Variants in RTN4RL1 observed in about 807,000 individuals in gnomAD.
RTN4RL1 encodes reticulon 4 receptor like 1.
In RTN4RL1, 7 loss-of-function variants were observed where a neutral mutation model predicts 25.6. The ratio of observed to expected loss-of-function variants is 0.27; its 90% CI spans 0.16 to 0.51. The LOEUF (loss-of-function observed/expected upper bound fraction) is 0.51, where lower values mean the gene tolerates loss of function less well. RTN4RL1 is among the 20% of genes least tolerant of loss of function. RTN4RL1 has a pLI of 0.97. For synonymous variants in RTN4RL1, 297 were observed against 288.2 expected, an observed-to-expected ratio of 1.03 and a Z score of -0.31; for missense variants, 500 against 615.6, an observed-to-expected ratio of 0.81 and a Z score of 1.99.
At chr17:1,973,618 C>A (rs901093978) in intron 1 of RTN4RL1, among the ~76,000 whole-genome samples, 3 of 152,174 alleles carry the variant, frequency 2.0e-5, no homozygotes, top group Non-Finnish European at 4.4e-5. Flanking sequence ...CAGAGACTCC[C>A]ATTGGTCCAA....
rs577115046 is a variant in RTN4RL1 at position 1,970,359 on chromosome 17, C to T, written c.14-32551G>A. 2.1e-4 allele frequency among the ~76,000 whole-genome samples: 32 copies of T among 152,278 alleles called. No homozygotes were observed. The South Asian group carries it at 6.0e-3, about 29-fold the overall frequency. ...TTAATGTGGTCTCTGTGCACGATCT[C>T]TCCAGCAAGGTAGCTGGATTTTTTA... On this transcript the variant is annotated intron_variant, in intron 1 of 1. Coordinates refer to ENST00000331238, the MANE Select transcript of RTN4RL1 (RefSeq NM_178568.4).
chr17:1,974,244 C>T (rs2066833044), intron 1 of RTN4RL1, among the ~76,000 whole-genome samples: 1 of 152,056 alleles, frequency 6.6e-6, no homozygotes, highest in African/African-American at 2.4e-5. Flanking sequence ...TCTGCAGTCC[C>T]AGATGAGATC....
chr17:1,971,125 C>G (rs758649871), intron 1 of RTN4RL1, among the ~76,000 whole-genome samples: 4 of 152,170 alleles, frequency 2.6e-5, no homozygotes, highest in Non-Finnish European at 5.9e-5. Flanking sequence ...TTATTGTAAT[C>G]TCCATGTGTC....
At chr17:2,014,380 A>T (rs532143035) in intron 1 of RTN4RL1, among the ~76,000 whole-genome samples, 41 of 152,336 alleles carry the variant, frequency 2.7e-4, no homozygotes, top group African/African-American at 9.9e-4. Flanking sequence ...AGAGCCCCAC[A>T]GAGCTCTCAG....
intron 1 of RTN4RL1, among the ~76,000 whole-genome samples, chr17:2,011,918 C>T (rs1169689104): frequency 1.3e-5 from 2 of 152,194 alleles, no homozygotes; most frequent in East Asian, 3.9e-4. Context: ...CTCGGCCCCT[C>T]CTCGCTTGGG....
At chr17:1,989,793 C>T (rs1276151080) in intron 1 of RTN4RL1, among the ~76,000 whole-genome samples, 2 of 151,834 alleles carry the variant, frequency 1.3e-5, no homozygotes, top group Non-Finnish European at 1.5e-5. Flanking sequence ...AGGCTGGTCT[C>T]GAACTCCTGA....
intron 1 of RTN4RL1, among the ~76,000 whole-genome samples, chr17:1,938,787 A>T (rs1463025584): frequency 6.7e-6 from 1 of 150,038 alleles, no homozygotes; most frequent in Non-Finnish European, 1.5e-5. Context: ...GCGGTGGCTC[A>T]CGCCTGTAAT....
intron 1 of RTN4RL1, among the ~76,000 whole-genome samples, chr17:1,951,658 G>T (rs1336272794): frequency 6.6e-6 from 1 of 152,074 alleles, no homozygotes; most frequent in African/African-American, 2.4e-5. Flanking sequence ...ACCACATGTT[G>T]GTCAGGCTGG....
chr17:1,941,027 C>T (rs746818935), intron 1 of RTN4RL1, among the ~76,000 whole-genome samples: 3 of 152,186 alleles, frequency 2.0e-5, no homozygotes, highest in East Asian at 3.9e-4. Flanking sequence ...TAATCCCACT[C>T]GACATTTGCA....
chr17:2,011,047 T>C (rs1168489949), intron 1 of RTN4RL1, among the ~76,000 whole-genome samples: 1 of 151,680 alleles, frequency 6.6e-6, no homozygotes, highest in Non-Finnish European at 1.5e-5. Context: ...AGGTCTGGAG[T>C]TTGAGACCAG....
intron 1 of RTN4RL1, among the ~76,000 whole-genome samples, chr17:1,951,459 T>C (rs1915677502): frequency 6.6e-6 from 1 of 150,954 alleles, no homozygotes. Context: ...TTTTTGTTTG[T>C]TTGTTTTTTT....
chr17:1,977,505 G>C (rs1216664981), intron 1 of RTN4RL1, among the ~76,000 whole-genome samples: 1 of 152,170 alleles, frequency 6.6e-6, no homozygotes, highest in Non-Finnish European at 1.5e-5. Context: ...GCGGGGTCGA[G>C]AGCCGCCCAG....
Position 1,935,743 on chromosome 17 carries a change from A to AG in RTN4RL1, c.*752_*753insC. On this transcript the variant is annotated 3_prime_UTR_variant, in exon 2 of 2. Coordinates refer to ENST00000331238, the MANE Select transcript of RTN4RL1 (RefSeq NM_178568.4). ...TATATATATATATATATATATATATATATATATATATGTAGAGTGTGAATA... is the reference window on the plus strand; with the variant it reads ...TATATATATATATATATATATATATAGTATATATATATGTAGAGTGTGAATA... 3.9e-6 allele frequency: 1 copy of AG among 258,878 alleles called. No individual in the cohort carries two copies. Among genetic ancestry groups the AG allele is most frequent in the Non-Finnish European group, 5.8e-6 (1 of 173,358 alleles). The allele number at this position is 258,878 out of a possible 1,614,324, so 16.0% of individuals were successfully genotyped here. A position where few individuals can be genotyped will look rare whatever the true frequency, so the allele number is the denominator to read the frequency against.
intron 1 of RTN4RL1, among the ~76,000 whole-genome samples, chr17:1,971,737 T>C (rs9907154): frequency 0.91 from 137,947 of 151,576 alleles, 62,966 homozygotes; most frequent in Middle Eastern, 0.96. Flanking sequence ...CAGAGGCGGG[T>C]GGATCACGAG....
chr17:2,022,333 G>A (rs1159263468), intron 1 of RTN4RL1, among the ~76,000 whole-genome samples: 1 of 151,740 alleles, frequency 6.6e-6, no homozygotes, highest in East Asian at 2.0e-4. Flanking sequence ...ATTTTTTTTT[G>A]TAGAGACGAA....
intron 1 of RTN4RL1, among the ~76,000 whole-genome samples, chr17:2,011,462 A>G (rs2067048886): frequency 6.6e-6 from 1 of 152,042 alleles, no homozygotes; most frequent in Non-Finnish European, 1.5e-5. Context: ...AATTGGAGGC[A>G]CCTAGCTGTG....
At chr17:1,941,592 C>CG (rs889591262) in intron 1 of RTN4RL1, among the ~76,000 whole-genome samples, 23 of 152,242 alleles carry the variant, frequency 1.5e-4, no homozygotes, top group Non-Finnish European at 2.4e-4. Flanking sequence ...GAGGGCCCCT[C>CG]GGGGGCCAGG....
intron 1 of RTN4RL1, among the ~76,000 whole-genome samples, chr17:1,984,035 G>C (rs1372654355): frequency 6.6e-6 from 1 of 152,228 alleles, no homozygotes; most frequent in Non-Finnish European, 1.5e-5. Flanking sequence ...CATGTCTCAA[G>C]GCCAGCTGTA....
chr17:1,961,899 G>T (rs1316476093), intron 1 of RTN4RL1, among the ~76,000 whole-genome samples: 3 of 145,776 alleles, frequency 2.1e-5, no homozygotes, highest in Non-Finnish European at 4.5e-5. Flanking sequence ...AGTGAGCCAA[G>T]ATCACACCAT....
Sources: gnomAD v4.1 joint callset for allele counts (sites outside exome capture counted in the v4.1 genomes callset) on GRCh38, gnomAD v4.1.1 for gene constraint, MANE v1.5 for transcripts, NCBI Gene and HGNC (gene_info 2026-07-23, HGNC 2026-07-21) for gene names.